The following ARHGAP26 variants were observed in gnomAD, a reference collection of about 807,000 sequenced individuals.
ARHGAP26 encodes the protein rho GTPase-activating protein 26.
Under a neutral mutation model 104.8 loss-of-function variants are expected in ARHGAP26, and 38 were observed. That is an observed-to-expected ratio of 0.36 (90% CI 0.28 to 0.48). ARHGAP26 has a LOEUF of 0.48. ARHGAP26 is among the 20% of genes least tolerant of loss of function. ARHGAP26 has a pLI of 0.99. For missense variants in ARHGAP26, 704 were observed against 947.9 expected (o/e 0.74, Z 3.38); for synonymous variants, 341 against 340.0 (o/e 1.00, Z -0.03).
At chr5:142,944,580 G>A (rs1766831648) in intron 11 of ARHGAP26, among the ~76,000 whole-genome samples, 1 of 152,136 alleles carries the variant, frequency 6.6e-6, no homozygotes, top group Non-Finnish European at 1.5e-5. Context: ...ATATGTGTGT[G>A]TATCAACCTG....
intron 20 of ARHGAP26, among the ~76,000 whole-genome samples, chr5:143,152,561 T>A (rs1052423832): frequency 6.6e-6 from 1 of 152,198 alleles, no homozygotes; most frequent in Non-Finnish European, 1.5e-5. Context: ...TGTAGGCCCA[T>A]AGTAGATTAA....
intron 20 of ARHGAP26, among the ~76,000 whole-genome samples, chr5:143,151,801 C>CA (rs913584002): frequency 9.9e-5 from 15 of 151,810 alleles, no homozygotes; most frequent in Admixed American, 9.8e-4. Flanking sequence ...ACTAAAAATG[C>CA]AAAAAAATTA....
intron 7 of ARHGAP26, among the ~76,000 whole-genome samples, chr5:142,902,995 A>T (rs1005665619): frequency 4.6e-5 from 7 of 152,132 alleles, no homozygotes; most frequent in African/African-American, 1.7e-4. Context: ...AGCTGGGATG[A>T]TCCTTCAAAG....
chr5:142,857,560 A>C (rs1752572432), intron 1 of ARHGAP26, among the ~76,000 whole-genome samples: 1 of 152,152 alleles, frequency 6.6e-6, no homozygotes, highest in Non-Finnish European at 1.5e-5. Context: ...GAAGCATGTC[A>C]GGGTTTCTTT....
At chr5:143,043,547 G>T (rs1783776679) in intron 14 of ARHGAP26, among the ~76,000 whole-genome samples, 1 of 152,126 alleles carries the variant, frequency 6.6e-6, no homozygotes. Flanking sequence ...TTGTTCCTCT[G>T]GGATAAATGT....
At chr5:142,908,051 A>G (rs116322396) in intron 9 of ARHGAP26, among the ~76,000 whole-genome samples, 2,558 of 152,294 alleles carry the variant, frequency 0.017, 31 homozygotes, top group Middle Eastern at 0.031. Flanking sequence ...TTTGTATTTC[A>G]CATATATACA....
intron 18 of ARHGAP26, 88 bp downstream of exon 18, chr5:143,121,235 A>G (rs2150791357): frequency 5.1e-6 from 7 of 1,362,382 alleles, no homozygotes; most frequent in South Asian, 1.3e-5. Context: ...TCAGATTTGC[A>G]TTGCTAATCA....
chr5:142,863,686 G>A (rs1044799825), intron 1 of ARHGAP26, among the ~76,000 whole-genome samples: 13 of 152,162 alleles, frequency 8.5e-5, no homozygotes, highest in Admixed American at 7.9e-4. Context: ...GCCTTGGAGG[G>A]TGTGGTGCCT....
intron 1 of ARHGAP26, among the ~76,000 whole-genome samples, chr5:142,801,969 G>A (rs930099803): frequency 3.3e-5 from 5 of 152,142 alleles, no homozygotes; most frequent in African/African-American, 9.7e-5. Context: ...CCGTAACCTC[G>A]TGGAGAGAGG....
At chr5:143,099,991 G>C (rs1792980908) in intron 17 of ARHGAP26, among the ~76,000 whole-genome samples, 1 of 152,158 alleles carries the variant, frequency 6.6e-6, no homozygotes, top group Non-Finnish European at 1.5e-5. Flanking sequence ...GTAGATGCAA[G>C]ACTGAGCAAA....
intron 17 of ARHGAP26, among the ~76,000 whole-genome samples, chr5:143,106,265 G>C (rs1794000582): frequency 6.6e-6 from 1 of 152,040 alleles, no homozygotes; most frequent in South Asian, 2.1e-4. Flanking sequence ...TTTTTGGGAG[G>C]AGCTGCTTCC....
chr5:143,022,126 C>T (rs1355369713), intron 12 of ARHGAP26, among the ~76,000 whole-genome samples: 1 of 152,104 alleles, frequency 6.6e-6, no homozygotes, highest in Non-Finnish European at 1.5e-5. Context: ...GGCTGGAGTG[C>T]AGTGGTGTGA....
intron 17 of ARHGAP26, among the ~76,000 whole-genome samples, chr5:143,100,888 C>T (rs914676066): frequency 2.0e-5 from 3 of 152,120 alleles, no homozygotes; most frequent in East Asian, 1.9e-4. Context: ...GTCAAGAGTT[C>T]GCGACCAGCC....
intron 11 of ARHGAP26, among the ~76,000 whole-genome samples, chr5:142,952,169 T>G (rs1423336830): frequency 6.6e-6 from 1 of 152,238 alleles, no homozygotes; most frequent in African/African-American, 2.4e-5. Context: ...TACACTTTTT[T>G]TTCCAAATAA....
At chr5:143,198,206 T>C (rs1807162569) in intron 20 of ARHGAP26, among the ~76,000 whole-genome samples, 1 of 152,238 alleles carries the variant, frequency 6.6e-6, no homozygotes, top group Admixed American at 6.5e-5. Flanking sequence ...AATTGTACCA[T>C]ACTCAATTTA....
chr5:143,139,268 T>C (rs1042903342), intron 19 of ARHGAP26, among the ~76,000 whole-genome samples: 2 of 152,222 alleles, frequency 1.3e-5, no homozygotes, highest in Non-Finnish European at 2.9e-5. Flanking sequence ...TCTCGTGTCA[T>C]CCCCACAATT....
intron 11 of ARHGAP26, among the ~76,000 whole-genome samples, chr5:142,987,161 T>C (rs1361148874): frequency 6.6e-6 from 1 of 152,180 alleles, no homozygotes; most frequent in Non-Finnish European, 1.5e-5. Flanking sequence ...TGTGTCCTCT[T>C]TTATTTCGTT....
At chr5:142,948,409 A>AATAT (rs10552247) in intron 11 of ARHGAP26, among the ~76,000 whole-genome samples, 6 of 150,048 alleles carry the variant, frequency 4.0e-5, no homozygotes, top group African/African-American at 9.8e-5. Context: ...GTGTGTATTA[A>AATAT]ATATATATAT....
chr5:143,086,058 G>A (rs577592419), intron 17 of ARHGAP26, among the ~76,000 whole-genome samples: 1 of 152,200 alleles, frequency 6.6e-6, no homozygotes, highest in African/African-American at 2.4e-5. Context: ...TGGCCTTTCA[G>A]GGTTCCTTAT....
Sources: gnomAD v4.1 joint callset for allele counts (sites outside exome capture counted in the v4.1 genomes callset) on GRCh38, gnomAD v4.1.1 for gene constraint, MANE v1.5 for transcripts, NCBI Gene and HGNC (gene_info 2026-07-23, HGNC 2026-07-21) for gene names.